The following FHOD3 variants were observed in gnomAD, a reference collection of about 807,000 sequenced individuals.
FHOD3 encodes the protein formin homology 2 domain containing 3, also known as FH1/FH2 domain-containing protein 3.
FHOD3 carries 90 observed loss-of-function variants against 173.0 expected under a neutral mutation model. That is an observed-to-expected ratio of 0.52 (90% CI 0.44 to 0.62). FHOD3 has a LOEUF of 0.62. Among genes scored for constraint, FHOD3 ranks in the 20% least tolerant of loss-of-function variants. The pLI is 0.00. For synonymous variants in FHOD3, 828 were observed against 823.0 expected (o/e 1.01, Z -0.10); for missense variants, 1,945 against 2,034.7 (o/e 0.96, Z 0.85).
intron 19 of FHOD3, among the ~76,000 whole-genome samples, chr18:36,723,855 G>C (rs1245252831): frequency 1.3e-5 from 2 of 152,186 alleles, no homozygotes; most frequent in African/African-American, 4.8e-5. Context: ...CAACATTTCA[G>C]GAAGCCTTAA....
chr18:36,635,819 G>A (rs1221245064), intron 10 of FHOD3, among the ~76,000 whole-genome samples: 1 of 152,174 alleles, frequency 6.6e-6, no homozygotes. Flanking sequence ...AACTGCATGG[G>A]CAGAGAACTG....
chr18:36,419,370 C>A (rs1323458860), intron 3 of FHOD3, among the ~76,000 whole-genome samples: 1 of 151,806 alleles, frequency 6.6e-6, no homozygotes, highest in East Asian at 2.0e-4. Context: ...CTGTAGTGAC[C>A]CAACTCTAGT....
chr18:36,701,247 T>C (rs1393633969), intron 17 of FHOD3, among the ~76,000 whole-genome samples: 1 of 152,174 alleles, frequency 6.6e-6, no homozygotes, highest in African/African-American at 2.4e-5. Context: ...CATCTTTGAC[T>C]ATGCAGGCCA....
At chr18:36,696,712 T>C (rs558666692) in intron 17 of FHOD3, among the ~76,000 whole-genome samples, 37 of 152,306 alleles carry the variant, frequency 2.4e-4, no homozygotes, top group African/African-American at 7.9e-4. Context: ...TTAGCAGATG[T>C]ATGTCCCCAT....
intron 14 of FHOD3, among the ~76,000 whole-genome samples, chr18:36,671,379 C>T (rs1244254096): frequency 6.6e-6 from 1 of 152,254 alleles, no homozygotes; most frequent in Non-Finnish European, 1.5e-5. Context: ...CACTGGCCTT[C>T]ACCATCTGAT....
Position 36,297,978 on chromosome 18 carries a change from G to A in FHOD3, c.143G>A (p.Arg48Lys). 6.4e-7 allele frequency: 1 copy of A among 1,555,710 alleles called. No individual in the cohort carries two copies. The highest frequency in any genetic ancestry group is 8.7e-7 in the Non-Finnish European group (1 of 1,152,970). ...GGCACCCAGCTGGCGGGGGTCCATAGGCTGCTGCAGGCGCCGCACAAGGTA... is the reference window on the plus strand; with the variant it reads ...GGCACCCAGCTGGCGGGGGTCCATAAGCTGCTGCAGGCGCCGCACAAGGTA... The part of the protein sequence containing the change: ...ALGTQLAGVH[R>K]LLQAPHKLDD... Residue 48 changes from arginine (R) to lysine (K), a missense_variant, in exon 1 of 29, where the codon AGG becomes AAG. Physicochemically the swap from Arg to Lys is conservative, Grantham distance 26. Coordinates refer to ENST00000590592, the MANE Select transcript of FHOD3 (RefSeq NM_001281740.3).
chr18:36,586,858 T>A (rs1178913174), intron 6 of FHOD3, among the ~76,000 whole-genome samples: 1 of 152,162 alleles, frequency 6.6e-6, no homozygotes, highest in Non-Finnish European at 1.5e-5. Context: ...GTTTTCTGAC[T>A]CTTGCCCACT....
chr18:36,421,334 A>G (rs973630501), intron 3 of FHOD3, among the ~76,000 whole-genome samples: 5 of 152,256 alleles, frequency 3.3e-5, no homozygotes, highest in African/African-American at 1.2e-4. Context: ...TATTCATTCA[A>G]GCAGTCACCA....
intron 11 of FHOD3, among the ~76,000 whole-genome samples, chr18:36,651,404 C>T (rs1452152900): frequency 6.6e-6 from 1 of 152,120 alleles, no homozygotes; most frequent in Non-Finnish European, 1.5e-5. Context: ...AACCCAGCCC[C>T]CTGAAGATGG....
At chr18:36,686,883 G>T (rs947441992) in intron 15 of FHOD3, among the ~76,000 whole-genome samples, 4 of 152,130 alleles carry the variant, frequency 2.6e-5, no homozygotes, top group Admixed American at 1.3e-4. Context: ...AATTAGTAGT[G>T]TTTCTGGGTG....
At chr18:36,647,910 C>G (rs1281759988) in intron 10 of FHOD3, among the ~76,000 whole-genome samples, 1 of 152,110 alleles carries the variant, frequency 6.6e-6, no homozygotes, top group Non-Finnish European at 1.5e-5. Flanking sequence ...TGGAAAGGAG[C>G]ATTAAGGGGG....
chr18:36,436,618 A>T (rs1030927105), intron 3 of FHOD3, among the ~76,000 whole-genome samples: 1 of 152,216 alleles, frequency 6.6e-6, no homozygotes, highest in Non-Finnish European at 1.5e-5. Context: ...AAACATTGTC[A>T]TCAAATACCT....
At chr18:36,530,616 G>A (rs2056742111) in intron 5 of FHOD3, among the ~76,000 whole-genome samples, 2 of 152,186 alleles carry the variant, frequency 1.3e-5, no homozygotes, top group South Asian at 4.1e-4. Context: ...TAGTTCTCTG[G>A]TTGGTCCACA....
intron 6 of FHOD3, among the ~76,000 whole-genome samples, chr18:36,586,526 C>G (rs12957358): frequency 0.28 from 41,777 of 151,684 alleles, 6,248 homozygotes; most frequent in Admixed American, 0.36. Context: ...ACTCTGTCGC[C>G]CAGGCTGGAG....
intron 3 of FHOD3, among the ~76,000 whole-genome samples, chr18:36,440,040 A>T (rs1317740131): frequency 6.6e-6 from 1 of 152,166 alleles, no homozygotes; most frequent in Admixed American, 6.5e-5. Flanking sequence ...CCCTTAGCCC[A>T]GTCAAGTTGA....
intron 5 of FHOD3, among the ~76,000 whole-genome samples, chr18:36,541,806 G>A (rs1020514873): frequency 2.0e-5 from 3 of 152,160 alleles, no homozygotes; most frequent in African/African-American, 7.2e-5. Context: ...GGCAGAATTG[G>A]AATGAACCTC....
At chr18:36,435,622 A>T (rs1372678768) in intron 3 of FHOD3, among the ~76,000 whole-genome samples, 1 of 152,308 alleles carries the variant, frequency 6.6e-6, no homozygotes, top group East Asian at 1.9e-4. Context: ...CTTTCCAATG[A>T]TATATTCAGA....
intron 3 of FHOD3, among the ~76,000 whole-genome samples, chr18:36,499,935 G>A (rs894972575): frequency 6.6e-6 from 1 of 152,274 alleles, no homozygotes; most frequent in East Asian, 1.9e-4. Flanking sequence ...CAAACAACAG[G>A]GAATCTTTGG....
At chr18:36,449,954 C>A (rs1178650268) in intron 3 of FHOD3, among the ~76,000 whole-genome samples, 1 of 151,864 alleles carries the variant, frequency 6.6e-6, no homozygotes, top group Non-Finnish European at 1.5e-5. Context: ...TTTTGGGGAA[C>A]AGGTGGTGTT....
Sources: gnomAD v4.1 joint callset for allele counts (sites outside exome capture counted in the v4.1 genomes callset) on GRCh38, gnomAD v4.1.1 for gene constraint, MANE v1.5 for transcripts, NCBI Gene and HGNC (gene_info 2026-07-23, HGNC 2026-07-21) for gene names.